CRPPA: variants seen among roughly 807,000 people sequenced by gnomAD.
The protein encoded by CRPPA is CDP-L-ribitol pyrophosphorylase A.
In CRPPA, 43 loss-of-function variants were observed where a neutral mutation model predicts 52.0. The ratio of observed to expected loss-of-function variants is 0.83; its 90% CI spans 0.65 to 1.07. The LOEUF (loss-of-function observed/expected upper bound fraction) is 1.07, where lower values mean the gene tolerates loss of function less well. Among genes scored for constraint, CRPPA ranks in the 50% least tolerant of loss-of-function variants. The pLI, the probability that CRPPA is intolerant of heterozygous loss-of-function variation, is 0.00. For synonymous variants in CRPPA, 250 were observed against 203.5 expected (o/e 1.23, Z -1.94); for missense variants, 629 against 551.7 (o/e 1.14, Z -1.40).
At chr7:16,124,643 T>C (rs1462824256) in intron 9 of CRPPA, among the ~76,000 whole-genome samples, 2 of 152,154 alleles carry the variant, frequency 1.3e-5, no homozygotes, top group African/African-American at 2.4e-5. Context: ...TAGTGTTCTA[T>C]AGCACTACAG....
chr7:16,333,946 G>C (rs1459423586), intron 3 of CRPPA, among the ~76,000 whole-genome samples: 1 of 152,096 alleles, frequency 6.6e-6, no homozygotes, highest in Non-Finnish European at 1.5e-5. Context: ...AAAATGAGTT[G>C]GTGGCAGACA....
At chr7:16,235,303 G>GT (rs1562575367) in intron 8 of CRPPA, among the ~76,000 whole-genome samples, 1 of 145,974 alleles carries the variant, frequency 6.9e-6, no homozygotes, top group Non-Finnish European at 1.5e-5. Flanking sequence ...ATAAAAACAC[G>GT]TAAGTCAGTG....
rs190857159 is a variant in CRPPA, at chr7:16,393,733, A to T, written c.534+12328T>A. Among the ~76,000 whole-genome samples the T allele has an allele frequency of 1.5e-3, 224 of 152,298 alleles. 1 individual carries two copies. Among genetic ancestry groups the T allele is most frequent in the African/African-American group, 4.9e-3 (202 of 41,576 alleles). ...TAGTGATTTTAAGTATATTAAGATT[A>T]AAAAATGCTTATTTATCACAACACA... On this transcript the variant is annotated intron_variant, in intron 2 of 9. Coordinates refer to ENST00000407010, the MANE Select transcript of CRPPA (RefSeq NM_001101426.4).
Position 16,286,038 on chromosome 7 carries a change from AATATAAAT to A in CRPPA, c.836-7820_836-7813del, listed in dbSNP as rs1562608332. Among the ~76,000 whole-genome samples, 66 of 17,488 alleles carry A rather than the reference AATATAAAT, an allele frequency of 3.8e-3. 2 individuals are homozygous for A. The highest frequency in any genetic ancestry group is 4.1e-3 in the Non-Finnish European group (43 of 10,470). The allele number at this position is 17,488 out of a possible 152,430, so 11.5% of individuals were successfully genotyped here. ...TCCATCTCAAAAAAAAAAAAAAAAA[AATATAAAT>A]ATATATATATATATATATATATATA... is the stretch of plus-strand genomic sequence containing the variant. On this transcript the variant is annotated intron_variant, in intron 5 of 9. Coordinates refer to ENST00000407010, the MANE Select transcript of CRPPA (RefSeq NM_001101426.4).
At chr7:16,175,517 T>C (rs1306631248) in intron 9 of CRPPA, among the ~76,000 whole-genome samples, 1 of 152,180 alleles carries the variant, frequency 6.6e-6, no homozygotes, top group African/African-American at 2.4e-5. Flanking sequence ...AGATTCACAC[T>C]CTTCTCCATC....
At chr7:16,165,178 T>C (rs991060300) in intron 9 of CRPPA, among the ~76,000 whole-genome samples, 1 of 151,872 alleles carries the variant, frequency 6.6e-6, no homozygotes, top group African/African-American at 2.4e-5. Context: ...CATACCTAAA[T>C]TTAATATTTA....
chr7:16,347,607 C>G (rs1236940464), intron 3 of CRPPA, among the ~76,000 whole-genome samples: 1 of 152,030 alleles, frequency 6.6e-6, no homozygotes, highest in Non-Finnish European at 1.5e-5. Flanking sequence ...ACCCATAGAC[C>G]CAGTGAATAG....
chr7:16,416,173 C>G (rs567405244), intron 1 of CRPPA, among the ~76,000 whole-genome samples: 3 of 152,162 alleles, frequency 2.0e-5, no homozygotes. Context: ...TACAGTAACC[C>G]AAACAGCACA....
chr7:16,191,245 T>G (rs989935245), intron 9 of CRPPA, among the ~76,000 whole-genome samples: 1 of 152,088 alleles, frequency 6.6e-6, no homozygotes, highest in African/African-American at 2.4e-5. Context: ...TTGCCGAGTA[T>G]GTTCTAGAAT....
At chr7:16,314,437 C>T (rs559632839) in intron 3 of CRPPA, among the ~76,000 whole-genome samples, 27 of 152,096 alleles carry the variant, frequency 1.8e-4, no homozygotes, top group Non-Finnish European at 3.2e-4. Flanking sequence ...TCAGATACAT[C>T]GTTGCTATTA....
At chr7:16,277,979 T>G (rs1007883494) in intron 6 of CRPPA, 150 bp downstream of exon 6, 3 of 625,132 alleles carry the variant, frequency 4.8e-6, no homozygotes, top group East Asian at 5.7e-5. Flanking sequence ...AGATCCTAAG[T>G]GCTGGCAGAC....
rs532717612 is a variant in CRPPA, at chr7:16,145,615, A to C, written c.1252-53816T>G. Among the ~76,000 whole-genome samples, 430 of 146,324 alleles carry C rather than the reference A, an allele frequency of 2.9e-3. 2 individuals are homozygous for C. Among genetic ancestry groups the C allele is most frequent in the Non-Finnish European group, 3.7e-3 (244 of 66,770 alleles). Reference sequence around the variant, plus strand: ...AAAACAAGATATGAGGAGAATTAGAAGTTTAACTTATAAATAAAAACTATC... The same window carrying C: ...AAAACAAGATATGAGGAGAATTAGACGTTTAACTTATAAATAAAAACTATC... On this transcript the variant is annotated intron_variant, in intron 9 of 9. Coordinates refer to ENST00000407010, the MANE Select transcript of CRPPA (RefSeq NM_001101426.4).
intron 9 of CRPPA, among the ~76,000 whole-genome samples, chr7:16,196,861 G>A (rs1042525027): frequency 3.3e-5 from 5 of 152,140 alleles, no homozygotes; most frequent in East Asian, 1.9e-4. Context: ...GAGTTTTGCT[G>A]CCGTTTCCAT....
chr7:16,152,053 T>G (rs1248115601), intron 9 of CRPPA, among the ~76,000 whole-genome samples: 1 of 151,934 alleles, frequency 6.6e-6, no homozygotes, highest in Non-Finnish European at 1.5e-5. Context: ...TATGTCCCAT[T>G]CCTCCATAAA....
At chr7:16,348,498 T>A (rs1396721167) in intron 3 of CRPPA, among the ~76,000 whole-genome samples, 1 of 152,158 alleles carries the variant, frequency 6.6e-6, no homozygotes, top group Non-Finnish European at 1.5e-5. Context: ...AGGTAATGCA[T>A]CCTATAAATC....
chr7:16,089,420 C>G lies in CRPPA; in HGVS notation c.*2275G>C, dbSNP rs1383769060. 5.9e-6 allele frequency: 2 copies of G among 338,098 alleles called. No individual in the cohort carries two copies. Among genetic ancestry groups the G allele is most frequent in the Non-Finnish European group, 1.3e-5 (2 of 148,364 alleles). 20.9% of individuals were successfully genotyped at this position (338,098 alleles called of 1,614,324 possible). A position where few individuals can be genotyped will look rare whatever the true frequency, so the allele number is the denominator to read the frequency against. On this transcript the variant is annotated 3_prime_UTR_variant, in exon 10 of 10. Transcript: ENST00000407010. ...TACATAATGTGTATATATGTACGTA[C>G]ATACATATATGTGTATATATGTACG... is the stretch of plus-strand genomic sequence containing the variant.
chr7:16,191,178 G>A (rs1781601748), intron 9 of CRPPA, among the ~76,000 whole-genome samples: 1 of 151,872 alleles, frequency 6.6e-6, no homozygotes, highest in African/African-American at 2.4e-5. Flanking sequence ...TGGATTTAAT[G>A]GCAGATCTAC....
chr7:16,396,760 G>C (rs1328399872), intron 2 of CRPPA, among the ~76,000 whole-genome samples: 2 of 152,214 alleles, frequency 1.3e-5, no homozygotes, highest in African/African-American at 4.8e-5. Flanking sequence ...GATAGAAAAC[G>C]TGTGACATAC....
At chr7:16,288,698 T>C (rs1004920495) in intron 5 of CRPPA, among the ~76,000 whole-genome samples, 13 of 151,620 alleles carry the variant, frequency 8.6e-5, no homozygotes, top group African/African-American at 2.9e-4. Context: ...CATACAAAAA[T>C]TAGCCAGGCA....
Sources: gnomAD v4.1 joint callset for allele counts (sites outside exome capture counted in the v4.1 genomes callset) on GRCh38, gnomAD v4.1.1 for gene constraint, MANE v1.5 for transcripts, NCBI Gene and HGNC (gene_info 2026-07-23, HGNC 2026-07-21) for gene names.